The following NTSR1 variants were observed in gnomAD, a reference collection of about 807,000 sequenced individuals.
The protein encoded by NTSR1 is neurotensin receptor type 1.
NTSR1 carries 29 observed loss-of-function variants against 31.2 expected under a neutral mutation model. The ratio of observed to expected loss-of-function variants is 0.93; its 90% CI spans 0.69 to 1.27. The LOEUF (loss-of-function observed/expected upper bound fraction) is 1.27. Among genes scored for constraint, NTSR1 ranks in the 50% most tolerant of loss-of-function variants. NTSR1 has a pLI of 0.00. For synonymous variants in NTSR1, 282 were observed against 269.9 expected (o/e 1.04, Z -0.44); for missense variants, 697 against 595.4 (o/e 1.17, Z -1.78).
intron 1 of NTSR1, among the ~76,000 whole-genome samples, chr20:62,728,178 CAG>C (rs1448776472): frequency 5.9e-5 from 9 of 152,170 alleles, no homozygotes; most frequent in Admixed American, 5.2e-4. Flanking sequence ...GCTTTGAAGT[CAG>C]GGGAAGGGAG....
chr20:62,757,607 G>A (rs986046307), intron 2 of NTSR1, among the ~76,000 whole-genome samples: 1 of 152,180 alleles, frequency 6.6e-6, no homozygotes, highest in Non-Finnish European at 1.5e-5. Context: ...GATACGGATT[G>A]CATTGAATCT....
intron 1 of NTSR1, among the ~76,000 whole-genome samples, chr20:62,740,425 A>T (rs931841692): frequency 3.3e-5 from 5 of 150,618 alleles, no homozygotes; most frequent in Admixed American, 2.0e-4. Flanking sequence ...ATTCTTAGTC[A>T]TAGGGTGAGC....
At position 62,742,558 on chromosome 20, in the gene NTSR1, C is replaced by T. The variant is rs1989223468; in HGVS notation, c.715-12127C>T. Among the ~76,000 whole-genome samples, 1 of 149,452 alleles carries T rather than the reference C, an allele frequency of 6.7e-6. No homozygotes were observed. Among genetic ancestry groups the T allele is most frequent in the Non-Finnish European group, 1.5e-5 (1 of 68,008 alleles). The stretch of plus-strand genomic sequence containing the variant: ...TGGCCACTACCAGAACCTTCTAGAA[C>T]AAGGTCACACTGGCAGTTCTTTATG... On this transcript the variant is annotated intron_variant, in intron 1 of 3. Coordinates refer to ENST00000370501, the MANE Select transcript of NTSR1 (RefSeq NM_002531.3). The surrounding 1 kb of genome is among the most constrained non-coding windows in gnomAD (Gnocchi z 7.1).
intron 1 of NTSR1, among the ~76,000 whole-genome samples, chr20:62,747,321 C>G (rs1989317312): frequency 4.8e-5 from 7 of 144,640 alleles, no homozygotes; most frequent in Admixed American, 4.8e-4. Flanking sequence ...CCACAGCTAA[C>G]ACCACACTCA....
chr20:62,760,100 T>C lies in NTSR1; in HGVS notation c.1090T>C (p.Tyr364His). ...YVSSTINPILYNLVSANFRHI... is the reference protein window; with the variant it reads ...YVSSTINPILHNLVSANFRHI... ...CAGCTCCACCATCAACCCCATCCTGTACAACCTCGTCTCTGCCAACTTCCG... is the reference window on the plus strand; with the variant it reads ...CAGCTCCACCATCAACCCCATCCTGCACAACCTCGTCTCTGCCAACTTCCG... The change falls in exon 4 of 4, where the codon TAC becomes CAC. Residue 364 changes from tyrosine to histidine, a missense_variant. Tyr to His is a moderately conservative substitution (Grantham distance 83, BLOSUM62 2). Coordinates refer to ENST00000370501, the MANE Select transcript of NTSR1 (RefSeq NM_002531.3). 1 of 1,614,174 alleles carries C rather than the reference T, an allele frequency of 6.2e-7. No homozygotes were observed. The highest frequency in any genetic ancestry group is 8.5e-7 in the Non-Finnish European group (1 of 1,180,026).
At chr20:62,723,743 C>T (rs1988861275) in intron 1 of NTSR1, among the ~76,000 whole-genome samples, 1 of 152,220 alleles carries the variant, frequency 6.6e-6, no homozygotes, top group African/African-American at 2.4e-5. Context: ...GCCTGAAGCT[C>T]CTCTCTCTGG....
chr20:62,729,060 G>T (rs977468729), intron 1 of NTSR1, among the ~76,000 whole-genome samples: 2 of 152,240 alleles, frequency 1.3e-5, no homozygotes, highest in Non-Finnish European at 2.9e-5. Context: ...ACACCTGAGG[G>T]GCTCGTGCCC....
At chr20:62,746,504 G>T (rs1216013002) in intron 1 of NTSR1, among the ~76,000 whole-genome samples, 2 of 152,224 alleles carry the variant, frequency 1.3e-5, no homozygotes, top group African/African-American at 4.8e-5. Context: ...TTGTGGGAGG[G>T]AGGAAGGGAG....
intron 1 of NTSR1, among the ~76,000 whole-genome samples, chr20:62,746,369 C>T (rs948274880): frequency 1.3e-5 from 2 of 152,248 alleles, no homozygotes; most frequent in African/African-American, 2.4e-5. Context: ...CCGCCAGCAT[C>T]GCTGTGTCTG....
At chr20:62,727,769 A>G (rs932890835) in intron 1 of NTSR1, among the ~76,000 whole-genome samples, 6 of 152,280 alleles carry the variant, frequency 3.9e-5, no homozygotes, top group Admixed American at 1.3e-4. Context: ...CCCCGGCCTC[A>G]GAACTGCACA....
Position 62,741,414 on chromosome 20 carries a change from G to A in NTSR1, c.715-13271G>A, listed in dbSNP as rs1444039814. On this transcript the variant is annotated intron_variant, in intron 1 of 3. Transcript: ENST00000370501. This position sits in a 1 kb window ranked among gnomAD's most constrained non-coding sequence, Gnocchi z 4.3. The stretch of plus-strand genomic sequence containing the variant: ...GGCAAACCTCTTGCAGAGGTGACGG[G>A]TGACTCACCAGCCCCGCTCAGAGGA... 6.7e-6 allele frequency among the ~76,000 whole-genome samples: 1 copy of A among 149,668 alleles called. No homozygotes were observed. The highest frequency in any genetic ancestry group is 1.5e-5 in the Non-Finnish European group (1 of 68,014).
At chr20:62,751,628 G>T (rs1989395786) in intron 1 of NTSR1, among the ~76,000 whole-genome samples, 1 of 152,216 alleles carries the variant, frequency 6.6e-6, no homozygotes, top group South Asian at 2.1e-4. Flanking sequence ...CAAAGGTTTG[G>T]GGCTGGCCCT....
chr20:62,724,646 C>T (rs1424889459), intron 1 of NTSR1, among the ~76,000 whole-genome samples: 2 of 152,220 alleles, frequency 1.3e-5, no homozygotes, highest in Non-Finnish European at 2.9e-5. Context: ...TCAGGAAGAA[C>T]CACAGAAACC....
intron 1 of NTSR1, among the ~76,000 whole-genome samples, chr20:62,737,416 T>A (rs1221154565): frequency 1.3e-5 from 2 of 152,112 alleles, no homozygotes; most frequent in African/African-American, 4.8e-5. Context: ...AATGGCTCCC[T>A]CCGTGCAGTC....
Position 62,724,636 on chromosome 20 carries a change from T to A in NTSR1, c.714+14715T>A, listed in dbSNP as rs8120809. The stretch of plus-strand genomic sequence containing the variant: ...CAAATACCTTTCATGCTTCTGCCTG[T>A]CAGGAAGAACCACAGAAACCCCGAG... On this transcript the variant is annotated intron_variant, in intron 1 of 3. Transcript: ENST00000370501. 8.6e-3 allele frequency among the ~76,000 whole-genome samples: 1,317 copies of A among 152,332 alleles called. 16 individuals carry two copies. The highest frequency in any genetic ancestry group is 0.03 in the African/African-American group (1,259 of 41,570).
Position 62,760,026 on chromosome 20 carries a change from A to G in NTSR1, c.1016A>G (p.Tyr339Cys), listed in dbSNP as rs139953956. The change falls in exon 4 of 4, where the codon TAT becomes TGT. Residue 339 changes from tyrosine to cysteine, a missense_variant. Coordinates refer to ENST00000370501, the MANE Select transcript of NTSR1 (RefSeq NM_002531.3). ...CCTCTCTCTCCCCGCAGGTTCCTCT[A>G]TGACTTCTACCACTACTTCTACATG... ...ISDEQWTPFL[Y>C]DFYHYFYMVT... 25,262 of 1,613,800 alleles carry G rather than the reference A, an allele frequency of 0.016. 294 individuals are homozygous for G. Among genetic ancestry groups the G allele is most frequent in the Non-Finnish European group, 0.02 (23,068 of 1,179,808 alleles).
Position 62,709,196 on chromosome 20 carries a change from C to G in NTSR1, c.-12C>G, listed in dbSNP as rs1016458537. ...GAGGCGCCGGACAGAGCCGCGGACT[C>G]CAGCGCCCACCATGCGCCTCAACAG... On this transcript the variant is annotated 5_prime_UTR_variant, in exon 1 of 4. Transcript: ENST00000370501. The G allele has an allele frequency of 2.8e-6, 4 of 1,425,902 alleles. No homozygotes were observed. In the African/African-American group the frequency reaches 6.0e-5, roughly 21 times the overall value. 88.3% of individuals were successfully genotyped at this position (1,425,902 alleles called of 1,614,324 possible). A position where few individuals can be genotyped will look rare whatever the true frequency, so the allele number is the denominator to read the frequency against.
In NTSR1 at chr20:62,733,974, G is replaced by C. The variant is rs139339643; in HGVS notation, c.715-20711G>C. Among the ~76,000 whole-genome samples the C allele has an allele frequency of 3.7e-4, 56 of 152,316 alleles. No homozygotes were observed. Among genetic ancestry groups the C allele is most frequent in the Middle Eastern group, 6.8e-3 (2 of 294 alleles). On this transcript the variant is annotated intron_variant, in intron 1 of 3. Coordinates refer to ENST00000370501, the MANE Select transcript of NTSR1 (RefSeq NM_002531.3). This position sits in a 1 kb window ranked among gnomAD's most constrained non-coding sequence, Gnocchi z 5.2. Reference sequence around the variant, plus strand: ...GGTCGCATTTTAAATGATGGTTTTGGGTGCTGAGCCAGCCCAGCTTGGAGG... The same window carrying C: ...GGTCGCATTTTAAATGATGGTTTTGCGTGCTGAGCCAGCCCAGCTTGGAGG...
Position 62,711,414 on chromosome 20 carries a change from G to C in NTSR1, c.714+1493G>C, listed in dbSNP as rs2147130437. 6.6e-6 allele frequency among the ~76,000 whole-genome samples: 1 copy of C among 152,234 alleles called. No individual in the cohort carries two copies. Among genetic ancestry groups the C allele is most frequent in the South Asian group, 2.1e-4 (1 of 4,822 alleles). On this transcript the variant is annotated intron_variant, in intron 1 of 3. Coordinates refer to ENST00000370501, the MANE Select transcript of NTSR1 (RefSeq NM_002531.3). This position sits in a 1 kb window ranked among gnomAD's most constrained non-coding sequence, Gnocchi z 6.4. ...CAAGCTCCTGTCTTTGATTGGCATT[G>C]GCCAGGGGGAACCTCTCCCCAGTCC...
Sources: allele counts gnomAD v4.1 joint callset (sites outside exome capture counted in the v4.1 genomes callset), GRCh38; gene constraint gnomAD v4.1.1; non-coding constraint Gnocchi (gnomAD v3.1); transcripts MANE v1.5; gene names NCBI Gene and HGNC (gene_info 2026-07-23, HGNC 2026-07-21).